Variants in KAZN observed in about 807,000 individuals in gnomAD.
The protein encoded by KAZN is kazrin, periplakin interacting protein, also known as kazrin.
KAZN carries 40 observed loss-of-function variants against 87.4 expected under a neutral mutation model. The ratio of observed to expected loss-of-function variants is 0.46; its 90% CI spans 0.36 to 0.60. The LOEUF is 0.60. Ranked by LOEUF, KAZN falls within the 20% of genes least tolerant of loss-of-function variation. The pLI is 0.00. For missense variants in KAZN, 898 were observed against 1,073.9 expected (o/e 0.84, Z 2.29); for synonymous variants, 466 against 458.3 (o/e 1.02, Z -0.22).
intron 1 of KAZN, among the ~76,000 whole-genome samples, chr1:14,885,429 C>T (rs1653929762): frequency 6.6e-6 from 1 of 152,202 alleles, no homozygotes; most frequent in African/African-American, 2.4e-5. Flanking sequence ...CCCACTTCCC[C>T]AGGAAAATAT....
intron 2 of KAZN, among the ~76,000 whole-genome samples, chr1:14,269,197 C>T (rs10928060): frequency 0.42 from 63,629 of 151,896 alleles, 14,458 homozygotes; most frequent in Non-Finnish European, 0.53. Flanking sequence ...ATTACAATTT[C>T]ATGGTTTTCC....
chr1:14,055,127 G>A (rs1318113487), intron 1 of KAZN, among the ~76,000 whole-genome samples: 1 of 152,156 alleles, frequency 6.6e-6, no homozygotes, highest in Non-Finnish European at 1.5e-5. Context: ...AAGAACCATC[G>A]GTCTAGGATT....
chr1:15,063,831 C>G (rs1364717861), intron 7 of KAZN, among the ~76,000 whole-genome samples: 3 of 134,940 alleles, frequency 2.2e-5, no homozygotes, highest in Non-Finnish European at 4.4e-5. Flanking sequence ...TGCCGCACAC[C>G]CAAGGCGGAG....
intron 1 of KAZN, among the ~76,000 whole-genome samples, chr1:14,822,737 G>A (rs140288098): frequency 9.8e-5 from 15 of 152,310 alleles, no homozygotes; most frequent in Non-Finnish European, 1.8e-4. Context: ...CCGGCATCTG[G>A]TCTATCCCGT....
intron 2 of KAZN, among the ~76,000 whole-genome samples, chr1:14,395,972 G>C (rs1662863787): frequency 1.3e-5 from 2 of 151,894 alleles, no homozygotes; most frequent in Admixed American, 1.3e-4. Flanking sequence ...CTCGAGACCA[G>C]CCTGACCACC....
At chr1:14,959,817 G>A (rs964512557) in intron 1 of KAZN, among the ~76,000 whole-genome samples, 2 of 152,150 alleles carry the variant, frequency 1.3e-5, no homozygotes, top group African/African-American at 2.4e-5. Flanking sequence ...CTATCCGCCC[G>A]CAGGACTGAG....
chr1:14,255,777 C>T (rs1424328790), intron 2 of KAZN, among the ~76,000 whole-genome samples: 1 of 152,142 alleles, frequency 6.6e-6, no homozygotes, highest in Middle Eastern at 3.2e-3. Context: ...ATCATTATGT[C>T]CATTTTATAG....
chr1:15,076,788 T>G (rs742661), intron 8 of KAZN, among the ~76,000 whole-genome samples: 25,591 of 152,182 alleles, frequency 0.17, 2,830 homozygotes, highest in East Asian at 0.59. Flanking sequence ...ACGACTGCAC[T>G]GCCTCGCGAG....
rs1639022140 is a variant in KAZN at position 14,659,562 on chromosome 1, C to T, written c.226+60339C>T. On this transcript the variant is annotated intron_variant, in intron 1 of 14. Coordinates refer to ENST00000376030, the MANE Select transcript of KAZN (RefSeq NM_201628.3). The stretch of plus-strand genomic sequence containing the variant: ...TGTGTTTTTTATAATCAGAGGAAAC[C>T]GATGGCACCATAAACTTCTAGAAAG... 3.3e-5 allele frequency among the ~76,000 whole-genome samples: 5 copies of T among 152,110 alleles called. No homozygotes were observed. In the South Asian group the frequency reaches 8.3e-4, roughly 25 times the overall value.
At chr1:14,499,035 C>T (rs547715313) in intron 2 of KAZN, among the ~76,000 whole-genome samples, 5 of 152,224 alleles carry the variant, frequency 3.3e-5, no homozygotes, top group South Asian at 4.2e-4. Context: ...ACCTTATTGA[C>T]GGTACCATTG....
In KAZN at chr1:14,470,460, C is replaced by T. The variant is rs186955225; in HGVS notation, c.250-128523C>T. Among the ~76,000 whole-genome samples the T allele has an allele frequency of 7.2e-5, 11 of 152,292 alleles. No homozygotes were observed. In the East Asian group the frequency reaches 1.9e-3, roughly 27 times the overall value. On this transcript the variant is annotated intron_variant, in intron 2 of 16. Transcript: ENST00000636203. Reference sequence around the variant, plus strand: ...AGCAGAGAGAAAGGTTATGCCAAATCCACCATTTGACAGTCTGGTCATGTC... The same window carrying T: ...AGCAGAGAGAAAGGTTATGCCAAATTCACCATTTGACAGTCTGGTCATGTC...
intron 1 of KAZN, among the ~76,000 whole-genome samples, chr1:14,075,342 C>G (rs1021502255): frequency 1.3e-5 from 2 of 152,172 alleles, no homozygotes; most frequent in African/African-American, 2.4e-5. Context: ...AGAACTCACT[C>G]TTGCGCTAAT....
At chr1:14,315,924 G>A (rs1045395591) in intron 2 of KAZN, among the ~76,000 whole-genome samples, 6 of 151,846 alleles carry the variant, frequency 4.0e-5, no homozygotes, top group Non-Finnish European at 7.4e-5. Flanking sequence ...AGTGCAAGTG[G>A]AATTGCTATG....
chr1:15,088,376 TG>T (rs967331221), intron 8 of KAZN, among the ~76,000 whole-genome samples: 1 of 150,622 alleles, frequency 6.6e-6, no homozygotes, highest in African/African-American at 2.4e-5. Context: ...ATTCTGTGGG[TG>T]GGGGGGTGTG....
intron 2 of KAZN, among the ~76,000 whole-genome samples, chr1:14,357,705 G>A (rs1447415984): frequency 6.6e-6 from 1 of 152,194 alleles, no homozygotes; most frequent in Non-Finnish European, 1.5e-5. Flanking sequence ...CATTGGTTCT[G>A]TTTATGTGAC....
chr1:14,928,407 C>T (rs1659411679), intron 1 of KAZN, among the ~76,000 whole-genome samples: 1 of 151,602 alleles, frequency 6.6e-6, no homozygotes, highest in Non-Finnish European at 1.5e-5. Context: ...CGAGATCGTG[C>T]CACTGCACTC....
chr1:14,333,726 G>A (rs1434680144), intron 2 of KAZN, among the ~76,000 whole-genome samples: 3 of 152,172 alleles, frequency 2.0e-5, no homozygotes, highest in African/African-American at 7.2e-5. Context: ...GGGGCTGGTG[G>A]GGGGTGTCGC....
intron 1 of KAZN, among the ~76,000 whole-genome samples, chr1:14,771,457 C>A (rs1645016011): frequency 6.6e-6 from 1 of 152,096 alleles, no homozygotes; most frequent in African/African-American, 2.4e-5. Context: ...TTCTCTGAGT[C>A]TTTGAATATT....
chr1:14,036,898 G>T (rs1327767422), intron 1 of KAZN, among the ~76,000 whole-genome samples: 1 of 151,896 alleles, frequency 6.6e-6, no homozygotes, highest in Non-Finnish European at 1.5e-5. Context: ...TCCTGCCTCA[G>T]CCTCCCGAGT....
Sources: allele counts gnomAD v4.1 joint callset (sites outside exome capture counted in the v4.1 genomes callset), GRCh38; gene constraint gnomAD v4.1.1; transcripts MANE v1.5; gene names NCBI Gene and HGNC (gene_info 2026-07-23, HGNC 2026-07-21).